SLC35F3: variants seen among roughly 807,000 people sequenced by gnomAD.
SLC35F3 encodes the protein solute carrier family 35 member F3.
A neutral mutation model predicts 49.9 loss-of-function variants in SLC35F3; 25 were observed. The observed-to-expected ratio is 0.50, with a 90% CI of 0.37 to 0.70. The LOEUF is 0.70. Among genes scored for constraint, SLC35F3 ranks in the 30% least tolerant of loss-of-function variants. The probability of loss-of-function intolerance (pLI) is 0.00; values close to 1 mark genes in which losing one functional copy is unlikely to be tolerated. For missense variants in SLC35F3, 525 were observed against 639.8 expected (o/e 0.82, Z 1.94); for synonymous variants, 275 against 265.4 (o/e 1.04, Z -0.35).
chr1:234,083,609 G>A (rs1664915353), intron 2 of SLC35F3, among the ~76,000 whole-genome samples: 1 of 152,158 alleles, frequency 6.6e-6, no homozygotes, highest in Admixed American at 6.5e-5. Flanking sequence ...ATGAAGCGGG[G>A]CTGCTGTCAG....
chr1:234,132,409 A>G (rs1238310049), intron 2 of SLC35F3, among the ~76,000 whole-genome samples: 1 of 152,238 alleles, frequency 6.6e-6, no homozygotes, highest in Non-Finnish European at 1.5e-5. Flanking sequence ...TGGAAGTAGA[A>G]TTGCTAAGAA....
chr1:234,197,528 T>A (rs1214774934), intron 2 of SLC35F3, among the ~76,000 whole-genome samples: 2 of 152,176 alleles, frequency 1.3e-5, no homozygotes, highest in African/African-American at 4.8e-5. Flanking sequence ...ATTGGACCAA[T>A]GAACAAATGA....
At chr1:234,066,176 A>G (rs1212370062) in intron 2 of SLC35F3, among the ~76,000 whole-genome samples, 1 of 152,196 alleles carries the variant, frequency 6.6e-6, no homozygotes, top group Non-Finnish European at 1.5e-5. Flanking sequence ...ACTGATGAAG[A>G]GAAGCACTGA....
At chr1:234,086,870 A>C (rs1200838189) in intron 2 of SLC35F3, among the ~76,000 whole-genome samples, 1 of 152,222 alleles carries the variant, frequency 6.6e-6, no homozygotes, top group Admixed American at 6.5e-5. Flanking sequence ...TCCACAGAGC[A>C]GCAAATTCTG....
intron 2 of SLC35F3, among the ~76,000 whole-genome samples, chr1:234,136,244 TTCTC>T (rs1208029765): frequency 7.4e-6 from 1 of 135,872 alleles, no homozygotes; most frequent in South Asian, 2.6e-4. Flanking sequence ...CTTCCTCTCT[TTCTC>T]TTTCTTTTTC....
chr1:233,976,359 A>G (rs1038464279), intron 2 of SLC35F3, among the ~76,000 whole-genome samples: 2 of 152,112 alleles, frequency 1.3e-5, no homozygotes. Flanking sequence ...CCTTCTTACT[A>G]TGGTAAATTG....
At chr1:234,032,500 C>T (rs1356144593) in intron 2 of SLC35F3, among the ~76,000 whole-genome samples, 4 of 152,016 alleles carry the variant, frequency 2.6e-5, no homozygotes, top group Non-Finnish European at 5.9e-5. Flanking sequence ...AGTTTTATTC[C>T]TCACCTCCCT....
At chr1:234,254,098 CA>C (rs1288537891) in intron 3 of SLC35F3, among the ~76,000 whole-genome samples, 9 of 152,346 alleles carry the variant, frequency 5.9e-5, no homozygotes, top group African/African-American at 2.2e-4. Flanking sequence ...TCTCTGGATT[CA>C]TTGACTTCCA....
intron 2 of SLC35F3, among the ~76,000 whole-genome samples, chr1:234,155,202 C>A (rs1183978146): frequency 6.6e-6 from 1 of 152,026 alleles, no homozygotes; most frequent in African/African-American, 2.4e-5. Flanking sequence ...ATACAGAGGG[C>A]TGATTACATA....
chr1:234,079,101 T>TG (rs11443993), intron 2 of SLC35F3, among the ~76,000 whole-genome samples: 22,063 of 152,172 alleles, frequency 0.14, 2,413 homozygotes, highest in East Asian at 0.47. Context: ...ATCAAGACAG[T>TG]GTGCTGCTGG....
At chr1:234,085,282 A>G (rs1336840470) in intron 2 of SLC35F3, among the ~76,000 whole-genome samples, 4 of 152,278 alleles carry the variant, frequency 2.6e-5, no homozygotes, top group Admixed American at 6.5e-5. Context: ...TGTCCATGAG[A>G]TATATTTGTG....
intron 2 of SLC35F3, among the ~76,000 whole-genome samples, chr1:234,069,265 T>G (rs866155215): frequency 0.021 from 2,954 of 142,384 alleles, 110 homozygotes; most frequent in African/African-American, 0.073. Context: ...AAAATACATT[T>G]TTTTTTTTTT....
intron 2 of SLC35F3, among the ~76,000 whole-genome samples, chr1:234,086,909 G>A (rs1425840501): frequency 1.3e-5 from 2 of 152,210 alleles, no homozygotes; most frequent in African/African-American, 4.8e-5. Context: ...GACAACATGT[G>A]AATAAATTTC....
At chr1:233,910,792 A>G (rs568642474) in intron 2 of SLC35F3, among the ~76,000 whole-genome samples, 2 of 152,322 alleles carry the variant, frequency 1.3e-5, no homozygotes, top group East Asian at 1.9e-4. Context: ...TTGAACGTCA[A>G]CTATTATTCA....
At chr1:234,108,788 GATAT>G (rs1665351778) in intron 2 of SLC35F3, among the ~76,000 whole-genome samples, 6 of 115,180 alleles carry the variant, frequency 5.2e-5, no homozygotes, top group Admixed American at 1.1e-4. Flanking sequence ...ATATATAAAA[GATAT>G]ATATATTTAT....
At chr1:234,197,246 T>C (rs1035578931) in intron 2 of SLC35F3, among the ~76,000 whole-genome samples, 23 of 152,156 alleles carry the variant, frequency 1.5e-4, no homozygotes, top group Non-Finnish European at 7.4e-5. Context: ...GACCCTATCA[T>C]GAGGTGTTGC....
chr1:233,980,338 C>T (rs147360324), intron 2 of SLC35F3, among the ~76,000 whole-genome samples: 9 of 152,306 alleles, frequency 5.9e-5, no homozygotes, highest in African/African-American at 1.4e-4. Flanking sequence ...ATGATGCCAA[C>T]GACAATGATG....
chr1:233,915,974 G>C (rs1661962082), intron 2 of SLC35F3, among the ~76,000 whole-genome samples: 1 of 152,200 alleles, frequency 6.6e-6, no homozygotes, highest in Non-Finnish European at 1.5e-5. Context: ...CAGTAGGTAT[G>C]GGACAGTTGG....
chr1:234,203,044 T>C (rs906699993), intron 2 of SLC35F3, among the ~76,000 whole-genome samples: 2 of 152,196 alleles, frequency 1.3e-5, no homozygotes, highest in African/African-American at 2.4e-5. Context: ...AATACTGTCA[T>C]TAAAAGCATC....
Sources: gnomAD v4.1 joint callset for allele counts (sites outside exome capture counted in the v4.1 genomes callset) on GRCh38, gnomAD v4.1.1 for gene constraint, MANE v1.5 for transcripts, NCBI Gene and HGNC (gene_info 2026-07-23, HGNC 2026-07-21) for gene names.